PTPRG: variants seen among roughly 807,000 people sequenced by gnomAD.
The protein encoded by PTPRG is receptor-type tyrosine-protein phosphatase gamma.
PTPRG carries 102 observed loss-of-function variants against 165.3 expected under a neutral mutation model. That is an observed-to-expected ratio of 0.62 (90% confidence interval 0.53 to 0.73). The LOEUF (loss-of-function observed/expected upper bound fraction) is 0.73. PTPRG is among the 30% of genes least tolerant of loss of function. PTPRG has a pLI of 0.00. For synonymous variants in PTPRG, 675 were observed against 669.5 expected (o/e 1.01, Z -0.13); for missense variants, 1,866 against 1,861.4 (o/e 1.00, Z -0.05).
chr3:62,114,037 A>G (rs1702767909), intron 5 of PTPRG, among the ~76,000 whole-genome samples: 2 of 152,188 alleles, frequency 1.3e-5, no homozygotes, highest in Non-Finnish European at 2.9e-5. Flanking sequence ...GGTGGCTCGC[A>G]CCCGTAATGC....
chr3:61,825,007 G>A (rs1178918140), intron 2 of PTPRG, among the ~76,000 whole-genome samples: 2 of 152,168 alleles, frequency 1.3e-5, no homozygotes, highest in Non-Finnish European at 2.9e-5. Flanking sequence ...ATCAGATGTG[G>A]GCAGTGCAGA....
intron 1 of PTPRG, among the ~76,000 whole-genome samples, chr3:61,594,409 G>A (rs1700644013): frequency 1.3e-5 from 2 of 152,062 alleles, no homozygotes; most frequent in African/African-American, 4.8e-5. Flanking sequence ...ATAGGCTCAA[G>A]GAAAGTAGGT....
At chr3:61,933,055 G>A (rs567876959) in intron 2 of PTPRG, among the ~76,000 whole-genome samples, 119 of 152,326 alleles carry the variant, frequency 7.8e-4, no homozygotes, top group Admixed American at 2.3e-3. Context: ...ACTGAGCACA[G>A]CCTCTGCTGC....
chr3:61,896,052 C>T (rs1210546251), intron 2 of PTPRG, among the ~76,000 whole-genome samples: 1 of 152,026 alleles, frequency 6.6e-6, no homozygotes, highest in African/African-American at 2.4e-5. Flanking sequence ...TTAATTTATA[C>T]TTATTATGTG....
chr3:61,571,266 C>CG (rs1194549554), intron 1 of PTPRG, among the ~76,000 whole-genome samples: 1 of 152,012 alleles, frequency 6.6e-6, no homozygotes, highest in Non-Finnish European at 1.5e-5. Context: ...GCGCGGGGAG[C>CG]GGTGGGGGGC....
chr3:62,170,547 G>T (rs1042002835), intron 8 of PTPRG, among the ~76,000 whole-genome samples: 2 of 152,098 alleles, frequency 1.3e-5, no homozygotes, highest in South Asian at 4.1e-4. Context: ...GGTTTCTATT[G>T]TGTTAAATTG....
At chr3:61,920,373 T>A (rs1347244131) in intron 2 of PTPRG, among the ~76,000 whole-genome samples, 2 of 152,200 alleles carry the variant, frequency 1.3e-5, no homozygotes, top group African/African-American at 4.8e-5. Context: ...TTCTCCATTT[T>A]GAAGTAGATT....
At chr3:61,846,950 G>T (rs937473067) in intron 2 of PTPRG, among the ~76,000 whole-genome samples, 12 of 152,110 alleles carry the variant, frequency 7.9e-5, no homozygotes, top group African/African-American at 2.7e-4. Context: ...TTTTGCGACT[G>T]TGCTGTCTAG....
intron 2 of PTPRG, among the ~76,000 whole-genome samples, chr3:61,789,976 T>C (rs1255152687): frequency 6.6e-6 from 1 of 152,236 alleles, no homozygotes; most frequent in Non-Finnish European, 1.5e-5. Context: ...AGTGCTTCAT[T>C]TTCAGCAGCT....
chr3:62,267,586 C>A (rs1303138948), intron 18 of PTPRG, 94 bp downstream of exon 18: 1 of 1,533,330 alleles, frequency 6.5e-7, no homozygotes, highest in East Asian at 2.3e-5. Flanking sequence ...AGAGCTTTCA[C>A]TAAAAACAAA....
chr3:61,958,185 G>A (rs916481536), intron 2 of PTPRG, among the ~76,000 whole-genome samples: 7 of 151,514 alleles, frequency 4.6e-5, no homozygotes, highest in Admixed American at 2.0e-4. Context: ...GGAGTGCAGC[G>A]GTGCCATCTT....
At chr3:62,191,110 C>T (rs1177138052) in intron 8 of PTPRG, among the ~76,000 whole-genome samples, 1 of 150,722 alleles carries the variant, frequency 6.6e-6, no homozygotes, top group Non-Finnish European at 1.5e-5. Flanking sequence ...GCATCTGTGC[C>T]CCATGCACAT....
chr3:61,892,746 G>T (rs1473005347), intron 2 of PTPRG, among the ~76,000 whole-genome samples: 1 of 152,046 alleles, frequency 6.6e-6, no homozygotes. Flanking sequence ...AACCCGGGAG[G>T]GGGAGGTTGC....
chr3:62,152,659 C>CT (rs1313221920), intron 6 of PTPRG, among the ~76,000 whole-genome samples: 3 of 152,066 alleles, frequency 2.0e-5, no homozygotes, highest in African/African-American at 7.3e-5. Flanking sequence ...TGCTCTTCGA[C>CT]TTGAACTGAG....
At chr3:61,948,862 A>G (rs1345733977) in intron 2 of PTPRG, among the ~76,000 whole-genome samples, 1 of 152,202 alleles carries the variant, frequency 6.6e-6, no homozygotes, top group Non-Finnish European at 1.5e-5. Flanking sequence ...TGGAAGAAGC[A>G]CTGAGTTGAT....
At chr3:62,193,940 A>G (rs1699899638) in intron 9 of PTPRG, among the ~76,000 whole-genome samples, 1 of 152,224 alleles carries the variant, frequency 6.6e-6, no homozygotes, top group South Asian at 2.1e-4. Flanking sequence ...TTAGGAAGCA[A>G]GTGCTGCCTG....
chr3:62,017,600 T>G (rs2041579718), intron 4 of PTPRG, among the ~76,000 whole-genome samples: 1 of 150,912 alleles, frequency 6.6e-6, no homozygotes, highest in Non-Finnish European at 1.5e-5. Flanking sequence ...TATTTTTTTT[T>G]TTTTTAGTAG....
intron 2 of PTPRG, among the ~76,000 whole-genome samples, chr3:61,795,538 G>T (rs1253007483): frequency 1.3e-5 from 2 of 149,002 alleles, no homozygotes; most frequent in Non-Finnish European, 3.0e-5. Flanking sequence ...TATTGAGGAG[G>T]CCGAGACAGG....
At chr3:61,597,150 C>T (rs1700721972) in intron 1 of PTPRG, among the ~76,000 whole-genome samples, 1 of 152,132 alleles carries the variant, frequency 6.6e-6, no homozygotes, top group Admixed American at 6.5e-5. Context: ...TCCTTAATGA[C>T]ATTAATCCAT....
Sources: allele counts gnomAD v4.1 joint callset (sites outside exome capture counted in the v4.1 genomes callset), GRCh38; gene constraint gnomAD v4.1.1; transcripts MANE v1.5; gene names NCBI Gene and HGNC (gene_info 2026-07-23, HGNC 2026-07-21).